The following AGBL4 variants were observed in gnomAD, a reference collection of about 807,000 sequenced individuals.
AGBL4 encodes the protein AGBL carboxypeptidase 4.
AGBL4 carries 58 observed loss-of-function variants against 66.4 expected under a neutral mutation model. The observed-to-expected ratio is 0.87, with a 90% CI of 0.71 to 1.09. The LOEUF (loss-of-function observed/expected upper bound fraction) is 1.09, where lower values mean the gene tolerates loss of function less well. Ranked by LOEUF, AGBL4 falls within the 50% of genes least tolerant of loss-of-function variation. The pLI, the probability that AGBL4 is intolerant of heterozygous loss-of-function variation, is 0.00. For synonymous variants in AGBL4, 234 were observed against 222.9 expected (o/e 1.05, Z -0.44); for missense variants, 579 against 631.0 (o/e 0.92, Z 0.88).
intron 6 of AGBL4, among the ~76,000 whole-genome samples, chr1:48,700,466 A>G (rs1306321220): frequency 6.6e-6 from 1 of 152,214 alleles, no homozygotes; most frequent in East Asian, 1.9e-4. Context: ...TCAGCTATCA[A>G]GGGCTTCACT....
chr1:50,013,838 G>A (rs1480512265), intron 1 of AGBL4, among the ~76,000 whole-genome samples: 2 of 152,094 alleles, frequency 1.3e-5, no homozygotes, highest in Non-Finnish European at 2.9e-5. Flanking sequence ...TAGAATGAAA[G>A]GCACCAATTA....
At chr1:49,257,730 T>G (rs1017424453) in intron 3 of AGBL4, among the ~76,000 whole-genome samples, 40 of 152,114 alleles carry the variant, frequency 2.6e-4, no homozygotes, top group Non-Finnish European at 1.5e-4. Flanking sequence ...GTACCTCAGA[T>G]GGAAATGCAG....
At chr1:49,278,833 G>T (rs1015061258) in intron 3 of AGBL4, among the ~76,000 whole-genome samples, 1 of 152,094 alleles carries the variant, frequency 6.6e-6, no homozygotes, top group Admixed American at 6.5e-5. Flanking sequence ...TTTATAATTT[G>T]CAACATCAAA....
intron 3 of AGBL4, among the ~76,000 whole-genome samples, chr1:49,397,929 T>C (rs1260073893): frequency 6.6e-6 from 1 of 151,594 alleles, no homozygotes; most frequent in Non-Finnish European, 1.5e-5. Context: ...CTACTTTCTA[T>C]TGAAGGAAAC....
At chr1:48,744,398 G>C (rs1650409177) in intron 6 of AGBL4, among the ~76,000 whole-genome samples, 1 of 152,202 alleles carries the variant, frequency 6.6e-6, no homozygotes, top group African/African-American at 2.4e-5. Flanking sequence ...TGGAGCATTT[G>C]ATCTTTTCTC....
At chr1:49,739,334 GAGAGA>G (rs1650201308) in intron 2 of AGBL4, among the ~76,000 whole-genome samples, 1 of 152,128 alleles carries the variant, frequency 6.6e-6, no homozygotes, top group Non-Finnish European at 1.5e-5. Flanking sequence ...ATGAAATGAA[GAGAGA>G]AGAGAAGTTT....
At chr1:48,642,268 G>C (rs78683732) in intron 8 of AGBL4, among the ~76,000 whole-genome samples, 2,321 of 152,246 alleles carry the variant, frequency 0.015, 60 homozygotes, top group African/African-American at 0.052. Flanking sequence ...CCCTATAATG[G>C]TGGCCTTTTC....
chr1:49,421,913 G>T (rs954122082), intron 3 of AGBL4, among the ~76,000 whole-genome samples: 20 of 151,968 alleles, frequency 1.3e-4, no homozygotes, highest in Admixed American at 1.0e-3. Context: ...CAGTTCTATC[G>T]ATATAGATTC....
intron 4 of AGBL4, among the ~76,000 whole-genome samples, chr1:49,067,194 T>C (rs1298577929): frequency 6.6e-6 from 1 of 152,086 alleles, no homozygotes; most frequent in Non-Finnish European, 1.5e-5. Flanking sequence ...GAATAGATGA[T>C]TAAGAGCTCA....
chr1:48,663,510 G>A (rs1357017928), intron 6 of AGBL4, among the ~76,000 whole-genome samples: 1 of 152,146 alleles, frequency 6.6e-6, no homozygotes, highest in East Asian at 1.9e-4. Context: ...AGCCATATGA[G>A]TGAATTTGAA....
chr1:48,693,985 C>T (rs886157285), intron 6 of AGBL4, among the ~76,000 whole-genome samples: 17 of 149,496 alleles, frequency 1.1e-4, no homozygotes, highest in Admixed American at 1.0e-3. Flanking sequence ...TCTGGACCCA[C>T]AAGCCCTTCT....
intron 3 of AGBL4, among the ~76,000 whole-genome samples, chr1:49,560,384 A>G (rs1178274608): frequency 6.6e-6 from 1 of 152,176 alleles, no homozygotes; most frequent in East Asian, 1.9e-4. Flanking sequence ...AAGCAAAAGA[A>G]AAAATTAGTG....
intron 6 of AGBL4, among the ~76,000 whole-genome samples, chr1:48,813,854 T>C (rs1479478551): frequency 6.6e-6 from 1 of 151,706 alleles, no homozygotes; most frequent in Non-Finnish European, 1.5e-5. Flanking sequence ...TTTTTTTTTT[T>C]CAAATCAAGG....
rs181104698 is a variant in AGBL4, at chr1:49,514,817, G to T, written c.282+182496C>A. Among the ~76,000 whole-genome samples, 237 of 152,184 alleles carry T rather than the reference G, an allele frequency of 1.6e-3. 2 individuals are homozygous for T. Among genetic ancestry groups the T allele is most frequent in the African/African-American group, 4.8e-3 (201 of 41,552 alleles). On this transcript the variant is annotated intron_variant, in intron 3 of 13. Transcript: ENST00000371839. ...TTCCCAATTTAATAAATGGTGCTGG[G>T]AAAACTGGCTAGCCATATGTAGAAA... is the stretch of plus-strand genomic sequence containing the variant.
chr1:49,167,197 T>C (rs572674299), intron 4 of AGBL4, among the ~76,000 whole-genome samples: 57 of 152,326 alleles, frequency 3.7e-4, no homozygotes, highest in African/African-American at 1.3e-3. Context: ...TTTCAAACTT[T>C]AGCTCAAGGC....
chr1:48,914,621 T>C (rs896466477), intron 5 of AGBL4, among the ~76,000 whole-genome samples: 6 of 152,236 alleles, frequency 3.9e-5, no homozygotes, highest in African/African-American at 1.4e-4. Context: ...ACTATGTTTA[T>C]AAAATGTTCT....
chr1:48,877,163 C>T (rs1329652927), intron 5 of AGBL4, among the ~76,000 whole-genome samples: 1 of 152,128 alleles, frequency 6.6e-6, no homozygotes, highest in East Asian at 1.9e-4. Context: ...AGATTTATGT[C>T]TATAATCCAG....
chr1:49,622,959 C>G (rs1242567063), intron 3 of AGBL4, among the ~76,000 whole-genome samples: 1 of 152,106 alleles, frequency 6.6e-6, no homozygotes, highest in African/African-American at 2.4e-5. Context: ...CTATTTCTCC[C>G]CACTCAATTC....
chr1:48,785,051 T>C (rs1306307979), intron 6 of AGBL4, among the ~76,000 whole-genome samples: 5 of 152,182 alleles, frequency 3.3e-5, no homozygotes, highest in Non-Finnish European at 7.3e-5. Flanking sequence ...TTAAATTAAC[T>C]CATTCTGTAA....
Sources: gnomAD v4.1 joint callset for allele counts (sites outside exome capture counted in the v4.1 genomes callset) on GRCh38, gnomAD v4.1.1 for gene constraint, MANE v1.5 for transcripts, NCBI Gene and HGNC (gene_info 2026-07-23, HGNC 2026-07-21) for gene names.